The following UNC5C variants were observed in gnomAD, a reference collection of about 807,000 sequenced individuals.
UNC5C encodes the protein netrin receptor UNC5C.
Under a neutral mutation model 99.8 loss-of-function variants are expected in UNC5C, and 47 were observed. The ratio of observed to expected loss-of-function variants is 0.47; its 90% CI spans 0.37 to 0.60. UNC5C has a LOEUF of 0.60. Among genes scored for constraint, UNC5C ranks in the 20% least tolerant of loss-of-function variants. UNC5C has a pLI of 0.00. For missense variants in UNC5C, 1,062 were observed against 1,165.9 expected (o/e 0.91, Z 1.30); for synonymous variants, 487 against 452.2 (o/e 1.08, Z -0.98).
chr4:95,376,086 A>G (rs1436702285), intron 1 of UNC5C, among the ~76,000 whole-genome samples: 1 of 152,008 alleles, frequency 6.6e-6, no homozygotes, highest in Non-Finnish European at 1.5e-5. Flanking sequence ...AAAAATATAT[A>G]TATATACAGA....
chr4:95,198,981 T>C (rs1400552498), intron 12 of UNC5C, among the ~76,000 whole-genome samples: 1 of 152,150 alleles, frequency 6.6e-6, no homozygotes, highest in Non-Finnish European at 1.5e-5. Context: ...CCCCAATACC[T>C]AGACCAATTA....
At chr4:95,350,485 CA>C (rs5860400) in intron 1 of UNC5C, among the ~76,000 whole-genome samples, 114,878 of 147,866 alleles carry the variant, frequency 0.78, 44,948 homozygotes, top group East Asian at 1. Context: ...GACTCCGTCT[CA>C]AAAAAAAAAA....
intron 1 of UNC5C, among the ~76,000 whole-genome samples, chr4:95,335,968 T>G (rs535961466): frequency 2.0e-5 from 3 of 151,940 alleles, no homozygotes; most frequent in African/African-American, 7.2e-5. Context: ...CATTATAGAG[T>G]GTCACCCTTG....
At chr4:95,448,439 C>G (rs1226802808) in intron 1 of UNC5C, among the ~76,000 whole-genome samples, 3 of 152,090 alleles carry the variant, frequency 2.0e-5, no homozygotes, top group Non-Finnish European at 4.4e-5. Context: ...TCCACTCTGT[C>G]TACCTCTTGG....
At chr4:95,349,652 C>T (rs1203667513) in intron 1 of UNC5C, among the ~76,000 whole-genome samples, 1 of 151,750 alleles carries the variant, frequency 6.6e-6, no homozygotes, top group Admixed American at 6.6e-5. Flanking sequence ...AACCACAAGT[C>T]TCTTCATTAA....
chr4:95,215,862 C>T (rs980068123), intron 10 of UNC5C, among the ~76,000 whole-genome samples: 4 of 152,170 alleles, frequency 2.6e-5, no homozygotes, highest in Non-Finnish European at 5.9e-5. Context: ...CATTTCTGGA[C>T]ATTTTTCCAG....
intron 1 of UNC5C, among the ~76,000 whole-genome samples, chr4:95,475,528 CAGACAGATA>C (rs1373791532): frequency 7.3e-6 from 1 of 136,372 alleles, no homozygotes; most frequent in African/African-American, 3.3e-5. Context: ...GAGAGAAAGA[CAGACAGATA>C]GACAGACAGA....
At chr4:95,392,463 ACT>A (rs890089709) in intron 1 of UNC5C, among the ~76,000 whole-genome samples, 1 of 149,924 alleles carries the variant, frequency 6.7e-6, no homozygotes, top group African/African-American at 2.5e-5. Context: ...AACAGGTTTC[ACT>A]CTGTCACCTG....
chr4:95,425,701 G>T (rs1343985168), intron 1 of UNC5C, among the ~76,000 whole-genome samples: 1 of 152,082 alleles, frequency 6.6e-6, no homozygotes, highest in East Asian at 1.9e-4. Context: ...AACATAAAGC[G>T]TATAATTTGA....
intron 6 of UNC5C, among the ~76,000 whole-genome samples, chr4:95,243,008 G>T (rs1739381828): frequency 6.6e-6 from 1 of 152,186 alleles, no homozygotes; most frequent in South Asian, 2.1e-4. Flanking sequence ...GCTCATGTGA[G>T]AATTCAGAGA....
At chr4:95,261,163 G>A (rs1481115403) in intron 4 of UNC5C, among the ~76,000 whole-genome samples, 3 of 152,112 alleles carry the variant, frequency 2.0e-5, no homozygotes, top group African/African-American at 7.2e-5. Flanking sequence ...AAAAAGCTGG[G>A]ACACCAAGAC....
intron 1 of UNC5C, among the ~76,000 whole-genome samples, chr4:95,418,036 A>G (rs916729487): frequency 6.6e-6 from 1 of 152,194 alleles, no homozygotes; most frequent in Non-Finnish European, 1.5e-5. Flanking sequence ...TAGAAACTTT[A>G]TGGTGACTCC....
chr4:95,439,349 C>G (rs1460697676), intron 1 of UNC5C, among the ~76,000 whole-genome samples: 1 of 150,074 alleles, frequency 6.7e-6, no homozygotes, highest in Admixed American at 6.6e-5. Flanking sequence ...AAATCTGAAT[C>G]ATTTAGCAAA....
chr4:95,495,798 ACT>A (rs1721614645), intron 1 of UNC5C, among the ~76,000 whole-genome samples: 1 of 151,610 alleles, frequency 6.6e-6, no homozygotes, highest in Admixed American at 6.6e-5. Flanking sequence ...TTAGTGGAAA[ACT>A]CTGTCGACTA....
intron 2 of UNC5C, among the ~76,000 whole-genome samples, chr4:95,333,480 C>A (rs1208887658): frequency 1.3e-5 from 2 of 149,914 alleles, no homozygotes; most frequent in Non-Finnish European, 3.0e-5. Flanking sequence ...GACAAAAAAC[C>A]AAACACCACA....
At chr4:95,335,813 C>T (rs1743316556) in intron 1 of UNC5C, among the ~76,000 whole-genome samples, 182 bp from the exon 2 acceptor site, 1 of 151,878 alleles carries the variant, frequency 6.6e-6, no homozygotes, top group Non-Finnish European at 1.5e-5. Context: ...TTATTATTCC[C>T]ATTTCTATAC....
intron 1 of UNC5C, among the ~76,000 whole-genome samples, chr4:95,414,961 A>G (rs1746118059): frequency 6.6e-6 from 1 of 152,194 alleles, no homozygotes; most frequent in Non-Finnish European, 1.5e-5. Flanking sequence ...TAAAATCCAA[A>G]TCTTCAGTAC....
chr4:95,473,531 A>C (rs1324877576), intron 1 of UNC5C, among the ~76,000 whole-genome samples: 1 of 151,652 alleles, frequency 6.6e-6, no homozygotes, highest in East Asian at 1.9e-4. Context: ...AATTCCACTT[A>C]AAATTGATCT....
chr4:95,534,823 G>A lies in UNC5C; in HGVS notation c.124+13911C>T, dbSNP rs975176008. Among the ~76,000 whole-genome samples the A allele has an allele frequency of 3.9e-5, 6 of 152,038 alleles. No individual in the cohort carries two copies. In the South Asian group the frequency reaches 1.0e-3, roughly 26 times the overall value. On this transcript the variant is annotated intron_variant, in intron 1 of 15. Coordinates refer to ENST00000453304, the MANE Select transcript of UNC5C (RefSeq NM_003728.4). Reference sequence around the variant, plus strand: ...TACTATAATGTGTCCCCTCGCAAATGTAGAACTTTGACCTTGCTTGGAAAT... The same window carrying A: ...TACTATAATGTGTCCCCTCGCAAATATAGAACTTTGACCTTGCTTGGAAAT...
Sources: allele counts gnomAD v4.1 joint callset (sites outside exome capture counted in the v4.1 genomes callset), GRCh38; gene constraint gnomAD v4.1.1; transcripts MANE v1.5; gene names NCBI Gene and HGNC (gene_info 2026-07-23, HGNC 2026-07-21).